The following PSMA3 variants were observed in gnomAD, a reference collection of about 807,000 sequenced individuals.
The protein encoded by PSMA3 is proteasome subunit alpha type-3.
PSMA3 carries 8 observed loss-of-function variants against 40.0 expected under a neutral mutation model. The ratio of observed to expected loss-of-function variants is 0.20; its 90% CI spans 0.12 to 0.36. The LOEUF (loss-of-function observed/expected upper bound fraction) is 0.36. Ranked by LOEUF, PSMA3 falls within the 10% of genes least tolerant of loss-of-function variation. The pLI, the probability that PSMA3 is intolerant of heterozygous loss-of-function variation, is 1.00. For missense variants in PSMA3, 219 were observed against 310.6 expected, an observed-to-expected ratio of 0.70 and a Z score of 2.22; for synonymous variants, 110 against 100.0, an observed-to-expected ratio of 1.10 and a Z score of -0.59.
At chr14:58,271,808 C>A in intron 10 of PSMA3, 43 bp from the exon 11 acceptor site, 1 of 1,480,496 alleles carries the variant, frequency 6.8e-7, no homozygotes, top group Non-Finnish European at 9.4e-7. Context: ...TGGGATATAA[C>A]AATTTTAAAA....
chr14:58,247,724 C>T (rs751792785), intron 1 of PSMA3, 26 bp from the exon 2 acceptor site: 1 of 1,473,020 alleles, frequency 6.8e-7, no homozygotes, highest in East Asian at 2.3e-5. Flanking sequence ...AAGATACAAG[C>T]TTACTGTTGC....
chr14:58,269,434 T>A (rs1384736914), intron 8 of PSMA3: 6 of 152,006 alleles, frequency 3.9e-5, no homozygotes, highest in Non-Finnish European at 5.9e-5. Flanking sequence ...AATTAGTTTT[T>A]TTTTTTTTAT....
chr14:58,262,348 A>C lies in PSMA3; in HGVS notation c.477+1328A>C, dbSNP rs1049158453. ...GCCTCCCGAGTAGGCTGGGATTAGA[A>C]GCATGCATCACCACACCCGGCTAAT... On this transcript the variant is annotated intron_variant, in intron 6 of 10. Coordinates refer to ENST00000216455, the MANE Select transcript of PSMA3 (RefSeq NM_002788.4). 3.3e-5 allele frequency among the ~76,000 whole-genome samples: 5 copies of C among 152,152 alleles called. 1 individual carries two copies. The South Asian group carries it at 1.0e-3, about 32-fold the overall frequency.
rs764507535 is a variant in PSMA3, at chr14:58,244,902, T to G, written c.-19T>G. The G allele has an allele frequency of 2.5e-6, 4 of 1,614,038 alleles. No homozygotes were observed. Among genetic ancestry groups the G allele is most frequent in the South Asian group, 2.2e-5 (2 of 91,084 alleles). ...GCTCCGGGCCTGGAATCCCTACGCG[T>G]CCCTTTGGGTTTAGCACGATGAGCT... On this transcript the variant is annotated 5_prime_UTR_variant, in exon 1 of 11. Coordinates refer to ENST00000216455, the MANE Select transcript of PSMA3 (RefSeq NM_002788.4).
intron 9 of PSMA3, 62 bp downstream of exon 9, chr14:58,270,547 CTGAG>C: frequency 6.2e-7 from 1 of 1,604,008 alleles, no homozygotes; most frequent in East Asian, 2.2e-5. Context: ...TAATTTACAA[CTGAG>C]TGTCCTTTCT....
chr14:58,250,733 T>G (rs945013392), intron 2 of PSMA3, among the ~76,000 whole-genome samples: 4 of 152,218 alleles, frequency 2.6e-5, no homozygotes, highest in Admixed American at 2.6e-4. Flanking sequence ...CCCTGCTTTT[T>G]AGATTGTGGA....
chr14:58,265,721 G>A (rs1273034152), intron 7 of PSMA3: 12 of 152,154 alleles, frequency 7.9e-5, no homozygotes, highest in Non-Finnish European at 1.3e-4. Flanking sequence ...TTTAAAATGT[G>A]CTTTTCAAGT....
intron 6 of PSMA3, among the ~76,000 whole-genome samples, chr14:58,261,520 GA>G (rs1890281032): frequency 6.6e-6 from 1 of 152,078 alleles, no homozygotes; most frequent in African/African-American, 2.4e-5. Flanking sequence ...GCAGAGGAAA[GA>G]TTTTTTTTCA....
chr14:58,265,674 T>TA (rs1315484651), intron 7 of PSMA3: 2 of 152,216 alleles, frequency 1.3e-5, no homozygotes, highest in East Asian at 1.9e-4. Context: ...TACTAAAAAA[T>TA]AAAAACTTCA....
At chr14:58,257,608 G>A in intron 3 of PSMA3, 137 bp from the exon 4 acceptor site, 1 of 647,382 alleles carries the variant, frequency 1.5e-6, no homozygotes, top group Non-Finnish European at 2.6e-6. Context: ...ATGCCTTGTA[G>A]AGAGACCTTT....
At chr14:58,257,605 GTAGA>G in intron 3 of PSMA3, 136 bp from the exon 4 acceptor site, 1 of 634,478 alleles carries the variant, frequency 1.6e-6, no homozygotes, top group Non-Finnish European at 2.7e-6. Flanking sequence ...AAAATGCCTT[GTAGA>G]GAGACCTTTA....
At chr14:58,245,855 A>G (rs1306759369) in intron 1 of PSMA3, among the ~76,000 whole-genome samples, 2 of 152,248 alleles carry the variant, frequency 1.3e-5, no homozygotes, top group East Asian at 1.9e-4. Flanking sequence ...TCTAAATTTG[A>G]TAATAGGCAA....
intron 3 of PSMA3, among the ~76,000 whole-genome samples, 186 bp downstream of exon 3, chr14:58,252,428 T>C (rs1391002493): frequency 3.3e-5 from 5 of 152,092 alleles, no homozygotes; most frequent in Admixed American, 1.3e-4. Context: ...ACCAAGTTGC[T>C]GAAAGAAGAG....
Position 58,244,891 on chromosome 14 carries a change from A to T in PSMA3, c.-30A>T. 2 of 1,614,168 alleles carry T rather than the reference A, an allele frequency of 1.2e-6. No individual in the cohort carries two copies. The highest frequency in any genetic ancestry group is 1.7e-6 in the Non-Finnish European group (2 of 1,180,020). The stretch of plus-strand genomic sequence containing the variant: ...ATAGGGGAAGCGCTCCGGGCCTGGA[A>T]TCCCTACGCGTCCCTTTGGGTTTAG... On this transcript the variant is annotated 5_prime_UTR_variant, in exon 1 of 11. Transcript: ENST00000216455.
chr14:58,271,121 T>A (rs898843317), intron 10 of PSMA3, 123 bp downstream of exon 10: 3 of 510,254 alleles, frequency 5.9e-6, no homozygotes, highest in Non-Finnish European at 1.0e-5. Context: ...AAAAAAAAAA[T>A]TCTCTAACCA....
At chr14:58,252,034 CTTAT>C in intron 2 of PSMA3, 81 bp from the exon 3 acceptor site, 1 of 1,401,806 alleles carries the variant, frequency 7.1e-7, no homozygotes, top group Non-Finnish European at 9.6e-7. Flanking sequence ...TTAAATGTTA[CTTAT>C]TTTGTTTTTT....
At position 58,257,951 on chromosome 14, in the gene PSMA3, T is replaced by C. The variant is rs750803524; in HGVS notation, c.357T>C (p.Tyr119=). Residue 119 remains tyrosine (Y), a synonymous_variant, in exon 5 of 11, where the codon TAT becomes TAC. Transcript: ENST00000216455. ...LKHLADRVAM[Y]VHAYTLYSAV... The stretch of plus-strand genomic sequence containing the variant: ...ATCTTGCAGACAGAGTGGCCATGTA[T>C]GTGCATGCATATACACTCTACAGTG... 12 of 1,614,120 alleles carry C rather than the reference T, an allele frequency of 7.4e-6. No homozygotes were observed. Among genetic ancestry groups the C allele is most frequent in the East Asian group, 2.2e-5 (1 of 44,880 alleles).
chr14:58,269,413 G>A (rs935097166), intron 8 of PSMA3: 1 of 151,820 alleles, frequency 6.6e-6, no homozygotes, highest in African/African-American at 2.4e-5. Context: ...ACTAATAATT[G>A]CAAGCACATA....
In PSMA3 at chr14:58,246,840, C is replaced by T. The variant is rs139904021; in HGVS notation, c.22-910C>T. Among the ~76,000 whole-genome samples the T allele has an allele frequency of 3.4e-4, 52 of 152,234 alleles. No homozygotes were observed. In the East Asian group the frequency reaches 9.1e-3, roughly 27 times the overall value. ...GTTGTTCTCTCTACAGCTTATTTTC[C>T]GCATAAAGCCAGAATGATGTTTTTA... On this transcript the variant is annotated intron_variant, in intron 1 of 10. Coordinates refer to ENST00000216455, the MANE Select transcript of PSMA3 (RefSeq NM_002788.4).
Sources: gnomAD v4.1 joint callset for allele counts (sites outside exome capture counted in the v4.1 genomes callset) on GRCh38, gnomAD v4.1.1 for gene constraint, MANE v1.5 for transcripts, NCBI Gene and HGNC (gene_info 2026-07-23, HGNC 2026-07-21) for gene names.